Variants in TENM2 observed in about 807,000 individuals in gnomAD.
TENM2 encodes teneurin transmembrane protein 2, also known as teneurin-2.
A neutral mutation model predicts 245.2 loss-of-function variants in TENM2; 52 were observed. The ratio of observed to expected loss-of-function variants is 0.21; its 90% CI spans 0.17 to 0.27. The LOEUF is 0.27. TENM2 is among the 10% of genes least tolerant of loss of function. TENM2 has a pLI of 1.00. For synonymous variants in TENM2, 1,363 were observed against 1,438.9 expected (o/e 0.95, Z 1.19); for missense variants, 3,046 against 3,666.8 (o/e 0.83, Z 4.37).
intron 2 of TENM2, among the ~76,000 whole-genome samples, chr5:167,761,230 T>G (rs1447026834): frequency 1.3e-5 from 2 of 152,222 alleles, no homozygotes; most frequent in Non-Finnish European, 2.9e-5. Context: ...TTACTTTTGT[T>G]TTTTGTTTTG....
chr5:167,600,691 T>A (rs1776575647), intron 2 of TENM2, among the ~76,000 whole-genome samples: 1 of 152,182 alleles, frequency 6.6e-6, no homozygotes, highest in African/African-American at 2.4e-5. Flanking sequence ...CATAACCCTG[T>A]CACGCTGGGT....
At chr5:167,198,184 A>C in the TENM2 span, among the ~76,000 whole-genome samples, 1 of 152,106 alleles carries the variant, frequency 6.6e-6, no homozygotes, top group Admixed American at 6.6e-5. Flanking sequence ...CAAAGGGGCC[A>C]GTCACTCCTC....
chr5:167,540,594 A>G (rs142661655), intron 2 of TENM2, among the ~76,000 whole-genome samples: 3 of 152,330 alleles, frequency 2.0e-5, no homozygotes, highest in African/African-American at 4.8e-5. Context: ...CATATGGACC[A>G]CAAAGTCTAA....
chr5:167,955,540 C>T (rs188561657), intron 4 of TENM2, among the ~76,000 whole-genome samples: 18 of 152,210 alleles, frequency 1.2e-4, no homozygotes, highest in African/African-American at 3.9e-4. Flanking sequence ...GAAGTCTTTG[C>T]CCATGCCTAT....
At chr5:167,112,875 A>C in the TENM2 span, among the ~76,000 whole-genome samples, 3 of 152,226 alleles carry the variant, frequency 2.0e-5, no homozygotes, top group South Asian at 4.1e-4. Flanking sequence ...CATGTGGGCC[A>C]AATAGATAGA....
the TENM2 span, among the ~76,000 whole-genome samples, chr5:167,252,450 T>C: frequency 3.9e-5 from 6 of 152,132 alleles, no homozygotes; most frequent in African/African-American, 1.4e-4. Flanking sequence ...CGTTGTCATT[T>C]GGGGGAAGAA....
At chr5:168,028,410 G>A (rs755942194) in intron 5 of TENM2, among the ~76,000 whole-genome samples, 6 of 152,152 alleles carry the variant, frequency 3.9e-5, no homozygotes, top group Middle Eastern at 6.8e-3. Flanking sequence ...CCATCCCAGC[G>A]TGACACAGAG....
At chr5:167,554,061 T>C (rs1323684533) in intron 2 of TENM2, among the ~76,000 whole-genome samples, 1 of 152,180 alleles carries the variant, frequency 6.6e-6, no homozygotes, top group Admixed American at 6.5e-5. Context: ...TGGGGATCAT[T>C]CTATAGGCTT....
chr5:168,036,140 A>G (rs908152220), intron 5 of TENM2, among the ~76,000 whole-genome samples: 13 of 152,274 alleles, frequency 8.5e-5, no homozygotes, highest in African/African-American at 1.4e-4. Flanking sequence ...CCATGGAGTT[A>G]GGATCCGGCA....
the TENM2 span, among the ~76,000 whole-genome samples, chr5:167,118,469 A>T: frequency 6.6e-6 from 1 of 152,248 alleles, no homozygotes; most frequent in Non-Finnish European, 1.5e-5. Context: ...GTCAAGTGTA[A>T]TTTCAGATAA....
chr5:167,077,266 A>T, the TENM2 span, among the ~76,000 whole-genome samples: 1 of 152,246 alleles, frequency 6.6e-6, no homozygotes, highest in African/African-American at 2.4e-5. Flanking sequence ...TTTAAACTTA[A>T]CAATTATCAT....
At chr5:167,860,212 C>T (rs1771627725) in intron 2 of TENM2, among the ~76,000 whole-genome samples, 4 of 136,072 alleles carry the variant, frequency 2.9e-5, no homozygotes, top group Admixed American at 6.9e-5. Context: ...CCCGCCCGGC[C>T]AGCCGCCCCG....
chr5:167,402,959 A>G (rs1033178628), intron 2 of TENM2, among the ~76,000 whole-genome samples: 2 of 152,110 alleles, frequency 1.3e-5, no homozygotes, highest in African/African-American at 4.8e-5. Flanking sequence ...TAAAAGAAGT[A>G]TATGCTTAAA....
the TENM2 span, among the ~76,000 whole-genome samples, chr5:167,095,466 C>T: frequency 6.6e-4 from 101 of 152,096 alleles, 1 homozygote; most frequent in South Asian, 0.018. Flanking sequence ...AGGCGGCGGG[C>T]GGCAGGAAAA....
chr5:168,089,716 G>T (rs1792758360), intron 7 of TENM2, among the ~76,000 whole-genome samples: 1 of 152,142 alleles, frequency 6.6e-6, no homozygotes, highest in South Asian at 2.1e-4. Flanking sequence ...ACTTCTCTGA[G>T]CCTCAGCTTT....
At chr5:167,316,019 A>G (rs1756343092) in intron 1 of TENM2, among the ~76,000 whole-genome samples, 2 of 152,290 alleles carry the variant, frequency 1.3e-5, no homozygotes, top group Admixed American at 1.3e-4. Context: ...GTCTCTGCTC[A>G]AACATTATCT....
chr5:167,882,963 C>G (rs1773995380), intron 3 of TENM2, among the ~76,000 whole-genome samples: 3 of 152,112 alleles, frequency 2.0e-5, no homozygotes, highest in African/African-American at 7.2e-5. Flanking sequence ...CTGGCTGGAC[C>G]AAGCTGTCCC....
chr5:167,979,018 C>T (rs1364988658), intron 4 of TENM2, among the ~76,000 whole-genome samples: 3 of 152,120 alleles, frequency 2.0e-5, no homozygotes, highest in Non-Finnish European at 4.4e-5. Flanking sequence ...ACACAAAATA[C>T]CCAGTACATG....
intron 2 of TENM2, among the ~76,000 whole-genome samples, chr5:167,703,766 T>G (rs184880004): frequency 6.6e-6 from 1 of 152,288 alleles, no homozygotes; most frequent in Admixed American, 6.5e-5. Flanking sequence ...TCAGAAAAAC[T>G]ACGTCAGCAA....
Sources: gnomAD v4.1 joint callset for allele counts (sites outside exome capture counted in the v4.1 genomes callset) on GRCh38, gnomAD v4.1.1 for gene constraint, MANE v1.5 for transcripts, NCBI Gene and HGNC (gene_info 2026-07-23, HGNC 2026-07-21) for gene names.